Variants in FKBP5 observed in about 807,000 individuals in gnomAD.
FKBP5 encodes the protein peptidyl-prolyl cis-trans isomerase FKBP5.
A neutral mutation model predicts 50.5 loss-of-function variants in FKBP5; 23 were observed. The observed-to-expected ratio is 0.46, with a 90% CI of 0.33 to 0.65. The LOEUF is 0.65. FKBP5 is among the 30% of genes least tolerant of loss of function. FKBP5 has a pLI of 0.02. For synonymous variants in FKBP5, 176 were observed against 190.6 expected, an observed-to-expected ratio of 0.92 and a Z score of 0.63; for missense variants, 411 against 553.1, an observed-to-expected ratio of 0.74 and a Z score of 2.58.
At chr6:35,670,836 T>A (rs1163140359) in intron 1 of FKBP5, among the ~76,000 whole-genome samples, 1 of 151,774 alleles carries the variant, frequency 6.6e-6, no homozygotes, top group Non-Finnish European at 1.5e-5. Flanking sequence ...TGAAATAGCC[T>A]AGGAATCTAA....
At chr6:35,717,274 G>A (rs986893660) in intron 2 of FKBP5, among the ~76,000 whole-genome samples, 2 of 152,258 alleles carry the variant, frequency 1.3e-5, no homozygotes, top group African/African-American at 4.8e-5. Context: ...AGGCATGTGA[G>A]CTGGGCTTGC....
At chr6:35,669,307 A>G (rs1410505289) in intron 1 of FKBP5, among the ~76,000 whole-genome samples, 1 of 152,246 alleles carries the variant, frequency 6.6e-6, no homozygotes, top group Non-Finnish European at 1.5e-5. Flanking sequence ...GTTTCTTGAA[A>G]GAATATAGCT....
intron 1 of FKBP5, among the ~76,000 whole-genome samples, chr6:35,654,131 G>C (rs942233034): frequency 6.6e-6 from 1 of 152,182 alleles, no homozygotes; most frequent in African/African-American, 2.4e-5. Context: ...GATACAAACA[G>C]TGTGGTTTAT....
intron 6 of FKBP5, among the ~76,000 whole-genome samples, chr6:35,593,809 C>T (rs1038394975): frequency 2.0e-5 from 3 of 152,022 alleles, no homozygotes; most frequent in Non-Finnish European, 4.4e-5. Flanking sequence ...CCCGCCTCGG[C>T]CTCCCAAAGT....
upstream of FKBP5, among the ~76,000 whole-genome samples, chr6:35,689,908 A>G (rs1765951407): frequency 6.6e-6 from 1 of 152,126 alleles, no homozygotes; most frequent in African/African-American, 2.4e-5. Flanking sequence ...CCAGATGGCT[A>G]CCTCTGAGTT....
At chr6:35,608,633 G>A (rs962144289) in intron 5 of FKBP5, among the ~76,000 whole-genome samples, 3 of 152,128 alleles carry the variant, frequency 2.0e-5, no homozygotes, top group African/African-American at 7.2e-5. Flanking sequence ...GCTGCAGTGA[G>A]CCACAACTGT....
chr6:35,693,076 T>TAAAAAAA (rs35498093), upstream of FKBP5, among the ~76,000 whole-genome samples: 1 of 80,784 alleles, frequency 1.2e-5, no homozygotes, highest in Non-Finnish European at 2.1e-5. Flanking sequence ...TCTTTTCAGC[T>TAAAAAAA]AAAAAAAAAA....
At chr6:35,654,541 A>G (rs1177505288) in intron 1 of FKBP5, among the ~76,000 whole-genome samples, 1 of 152,198 alleles carries the variant, frequency 6.6e-6, no homozygotes, top group African/African-American at 2.4e-5. Context: ...AAATAAAACT[A>G]CTTACTGCTG....
At chr6:35,588,969 C>T (rs755722288) in intron 7 of FKBP5, among the ~76,000 whole-genome samples, 1 of 150,524 alleles carries the variant, frequency 6.6e-6, no homozygotes, top group Admixed American at 6.6e-5. Flanking sequence ...TTTTGAACTC[C>T]TCGGCTCAAG....
chr6:35,719,972 A>G (rs1581905699), intron 2 of FKBP5, among the ~76,000 whole-genome samples: 1 of 151,786 alleles, frequency 6.6e-6, no homozygotes, highest in African/African-American at 2.4e-5. Flanking sequence ...GCTAAAAATA[A>G]CCCCAGGCAG....
At position 35,618,892 on chromosome 6, in the gene FKBP5, C is replaced by T. The variant is rs1046185579; in HGVS notation, c.508+204G>A. On this transcript the variant is annotated intron_variant, in intron 5 of 10. Coordinates refer to ENST00000357266, the MANE Select transcript of FKBP5 (RefSeq NM_004117.4). Reference sequence around the variant, plus strand: ...TGTATTTTTAGTAGAGATGGGGTTTCGCCATGCTGGCCAGGCTGGTCTCAA... The same window carrying T: ...TGTATTTTTAGTAGAGATGGGGTTTTGCCATGCTGGCCAGGCTGGTCTCAA... Among the ~76,000 whole-genome samples the T allele has an allele frequency of 4.6e-5, 7 of 152,002 alleles. No individual in the cohort carries two copies. The South Asian group carries it at 1.0e-3, about 23-fold the overall frequency.
At chr6:35,601,261 A>T (rs1763136309) in intron 5 of FKBP5, among the ~76,000 whole-genome samples, 1 of 152,174 alleles carries the variant, frequency 6.6e-6, no homozygotes, top group African/African-American at 2.4e-5. Context: ...AAAAACCAAA[A>T]CCATCGCCTT....
chr6:35,629,990 G>A (rs1764104339), intron 3 of FKBP5, among the ~76,000 whole-genome samples: 1 of 152,112 alleles, frequency 6.6e-6, no homozygotes, highest in Admixed American at 6.5e-5. Context: ...GAATATATTG[G>A]CTGAGTGCAG....
At chr6:35,613,838 G>C (rs958063546) in intron 5 of FKBP5, among the ~76,000 whole-genome samples, 1 of 152,150 alleles carries the variant, frequency 6.6e-6, no homozygotes, top group Non-Finnish European at 1.5e-5. Flanking sequence ...TCCCAGGAAA[G>C]TACATTCTAA....
At position 35,663,361 on chromosome 6, in the gene FKBP5, C is replaced by T. The variant is rs1008129426; in HGVS notation, c.-19-20518G>A. 1.1e-4 allele frequency among the ~76,000 whole-genome samples: 17 copies of T among 152,302 alleles called. No individual in the cohort carries two copies. The South Asian group carries it at 2.1e-3, about 19-fold the overall frequency. On this transcript the variant is annotated intron_variant, in intron 1 of 10. Transcript: ENST00000357266. ...CAGGCAGAGGCCTGACTGTGAAGGA[C>T]CTTGTGTGCCAAAGTAAAGTACGTG...
At chr6:35,725,689 T>C (rs2151026042) in intron 1 of FKBP5, among the ~76,000 whole-genome samples, 1 of 151,908 alleles carries the variant, frequency 6.6e-6, no homozygotes, top group East Asian at 1.9e-4. Flanking sequence ...AGAGCAGGGG[T>C]AACTGACAGC....
chr6:35,712,750 T>C (rs1766436448), intron 2 of FKBP5, among the ~76,000 whole-genome samples: 1 of 152,206 alleles, frequency 6.6e-6, no homozygotes, highest in Non-Finnish European at 1.5e-5. Flanking sequence ...AGGGAGATGC[T>C]GAGGCACCAG....
chr6:35,586,296 G>GA, intron 8 of FKBP5: 1 of 985,166 alleles, frequency 1.0e-6, no homozygotes, highest in Non-Finnish European at 1.2e-6. Context: ...GGGTTTCTGA[G>GA]AAGCAATTTA....
At chr6:35,715,147 G>A (rs914488182) in intron 2 of FKBP5, among the ~76,000 whole-genome samples, 4 of 152,108 alleles carry the variant, frequency 2.6e-5, no homozygotes, top group Non-Finnish European at 5.9e-5. Flanking sequence ...TGATCCACCC[G>A]CCTTGGCCTC....
Sources: allele counts gnomAD v4.1 joint callset (sites outside exome capture counted in the v4.1 genomes callset), GRCh38; gene constraint gnomAD v4.1.1; transcripts MANE v1.5; gene names NCBI Gene and HGNC (gene_info 2026-07-23, HGNC 2026-07-21).